The following NLRC3 variants were observed in gnomAD, a reference collection of about 807,000 sequenced individuals.
NLRC3 encodes NLR family CARD domain-containing protein 3.
In NLRC3, 87 loss-of-function variants were observed where a neutral mutation model predicts 91.6. The observed-to-expected ratio is 0.95, with a 90% CI of 0.80 to 1.14. NLRC3 has a LOEUF of 1.14. Ranked by LOEUF, NLRC3 falls within the 50% of genes most tolerant of loss-of-function variation. The pLI is 0.00. For missense variants in NLRC3, 1,577 were observed against 1,418.6 expected, an observed-to-expected ratio of 1.11 and a Z score of -1.79; for synonymous variants, 694 against 625.3, an observed-to-expected ratio of 1.11 and a Z score of -1.64.
At chr16:3,557,080 G>T (rs760883781) in intron 7 of NLRC3, 86 bp from the exon 8 acceptor site, 2 of 914,954 alleles carry the variant, frequency 2.2e-6, no homozygotes, top group African/African-American at 3.3e-5. Context: ...CTTGAAATTC[G>T]TGATCCTCTA....
At chr16:3,570,201 C>A (rs1181142437) in intron 1 of NLRC3, among the ~76,000 whole-genome samples, 1 of 151,978 alleles carries the variant, frequency 6.6e-6, no homozygotes, top group African/African-American at 2.4e-5. Context: ...CAACTCCTGA[C>A]CTCAAGTGAT....
chr16:3,576,208 G>A (rs191027064), intron 1 of NLRC3, among the ~76,000 whole-genome samples: 2 of 152,312 alleles, frequency 1.3e-5, no homozygotes, highest in Non-Finnish European at 2.9e-5. Context: ...CTGGAGCCTG[G>A]CCATAGGGGA....
Position 3,563,661 on chromosome 16 carries a change from C to G in NLRC3, c.1276G>C (p.Asp426His), listed in dbSNP as rs201150912. The G allele has an allele frequency of 3.7e-6, 6 of 1,613,772 alleles. No homozygotes were observed. Residue 426 changes from aspartate (D) to histidine (H), a missense_variant, in exon 5 of 20, where the codon GAC (aspartate) becomes CAC (histidine). By Grantham distance (81) the Asp-to-His change is moderately conservative. Coordinates refer to ENST00000359128, the MANE Select transcript of NLRC3 (RefSeq NM_178844.4). ...GGGGCGCCCTGCAGCAGAGCGAGGTCTACACCAAACGCCTTCATGTCTTGC... is the reference window on the plus strand; with the variant it reads ...GGGGCGCCCTGCAGCAGAGCGAGGTGTACACCAAACGCCTTCATGTCTTGC... ...YEQDMKAFGV[D>H]LALLQGAPCS...
At chr16:3,551,920 C>G (rs1487762060) in intron 10 of NLRC3, among the ~76,000 whole-genome samples, 1 of 149,924 alleles carries the variant, frequency 6.7e-6, no homozygotes, top group African/African-American at 2.5e-5. Flanking sequence ...CATCTATCCA[C>G]TCATTCATCC....
chr16:3,563,778 C>G lies in NLRC3; in HGVS notation c.1159G>C (p.Glu387Gln). ...QEKGKASPRI[E>Q]QVAHGGRKMV... ...TTGCGGCCACCATGGGCCACCTGCT[C>G]GATGCGAGGGCTTGCCTTGCCCTTC... is the stretch of plus-strand genomic sequence containing the variant. The change falls in exon 5 of 20, where the codon GAG becomes CAG. Residue 387 changes from glutamate (E) to glutamine (Q), a missense_variant. Transcript: ENST00000359128. 5 of 1,612,908 alleles carry G rather than the reference C, an allele frequency of 3.1e-6. No individual in the cohort carries two copies. The highest frequency in any genetic ancestry group is 4.2e-6 in the Non-Finnish European group (5 of 1,179,490).
At position 3,565,079 on chromosome 16, in the gene NLRC3, A is replaced by C; in HGVS notation, c.-24-19T>G. 1 of 1,580,370 alleles carries C rather than the reference A, an allele frequency of 6.3e-7. No individual in the cohort carries two copies. The highest frequency in any genetic ancestry group is 8.6e-7 in the Non-Finnish European group (1 of 1,161,176). ...CCAGGAGCTGTGAAGAGAGGGCCTG[A>C]ACCTGCTGCCTGCCGTGCCCCCCAT... On this transcript the variant is annotated intron_variant, in intron 3 of 19. Transcript: ENST00000359128.
intron 9 of NLRC3, among the ~76,000 whole-genome samples, chr16:3,552,590 G>C (rs2039073425): frequency 6.6e-6 from 1 of 152,108 alleles, no homozygotes; most frequent in African/African-American, 2.4e-5. Context: ...AGTCTCTCTG[G>C]TGCCTTACCT....
At position 3,549,170 on chromosome 16, in the gene NLRC3, A is replaced by G. The variant is rs1303840217; in HGVS notation, c.2575T>C (p.Cys859Arg). 6.3e-7 allele frequency: 1 copy of G among 1,586,086 alleles called. No individual in the cohort carries two copies. Among genetic ancestry groups the G allele is most frequent in the South Asian group, 1.2e-5 (1 of 86,646 alleles). ...EGAQAIAHALCANSTLKNLDL... is the reference protein window; with the variant it reads ...EGAQAIAHALRANSTLKNLDL... ...AGGTTCTTCAGGGTGCTGTTGGCGC[A>G]GAGGGCATGAGCGATGGCCTGGGCT... is the stretch of plus-strand genomic sequence containing the variant. Residue 859 changes from cysteine to arginine, a missense_variant, in exon 13 of 20, where the codon TGC (cysteine) becomes CGC (arginine). Transcript: ENST00000359128.
chr16:3,571,011 T>C (rs1037086407), intron 1 of NLRC3, among the ~76,000 whole-genome samples: 1 of 152,148 alleles, frequency 6.6e-6, no homozygotes, highest in Non-Finnish European at 1.5e-5. Context: ...GTAAAAAATG[T>C]GTGGGCTAGC....
chr16:3,544,430 A>G, intron 15 of NLRC3, 101 bp from the exon 16 acceptor site: 1 of 757,102 alleles, frequency 1.3e-6, no homozygotes, highest in Admixed American at 2.0e-5. Flanking sequence ...GACTACACAC[A>G]CCATAGACAC....
intron 10 of NLRC3, among the ~76,000 whole-genome samples, chr16:3,551,287 T>C (rs1376496027): frequency 6.8e-6 from 1 of 147,044 alleles, no homozygotes; most frequent in African/African-American, 2.5e-5. Context: ...CATCCATCTA[T>C]CCACTCACCC....
At chr16:3,575,080 T>C (rs974718112) in intron 1 of NLRC3, among the ~76,000 whole-genome samples, 1 of 152,358 alleles carries the variant, frequency 6.6e-6, no homozygotes, top group South Asian at 2.1e-4. Flanking sequence ...AATGGATTAT[T>C]TGAAATTCAC....
intron 1 of NLRC3, among the ~76,000 whole-genome samples, chr16:3,569,143 A>G (rs563963820): frequency 3.9e-5 from 6 of 151,904 alleles, no homozygotes; most frequent in African/African-American, 9.6e-5. Context: ...GCGGAACCCC[A>G]TCTCTACTAA....
In NLRC3 at chr16:3,563,121, AG is replaced by A; in HGVS notation, c.1815del (p.Tyr606ThrfsTer17). ...LTGPAHRAAL[A>X]YLLQVSDACA... The stretch of plus-strand genomic sequence containing the variant: ...CAGGCGTCGGACACCTGCAGGAGGT[AG>A]GCCAGGGCAGCGCGGTGCGCGGGAC... On this transcript the variant is annotated frameshift_variant, in exon 5 of 20. Coordinates refer to ENST00000359128, the MANE Select transcript of NLRC3 (RefSeq NM_178844.4). LOFTEE classifies it high-confidence loss of function. 1 of 1,580,512 alleles carries A rather than the reference AG, an allele frequency of 6.3e-7. No homozygotes were observed. Among genetic ancestry groups the A allele is most frequent in the Non-Finnish European group, 8.6e-7 (1 of 1,163,976 alleles).
At chr16:3,575,760 C>T (rs1407037431) in intron 1 of NLRC3, among the ~76,000 whole-genome samples, 1 of 152,210 alleles carries the variant, frequency 6.6e-6, no homozygotes, top group Non-Finnish European at 1.5e-5. Context: ...TGATCTGTGC[C>T]TCAGTCCTTG....
chr16:3,561,051 T>G (rs1006675397), intron 6 of NLRC3, among the ~76,000 whole-genome samples: 1 of 152,074 alleles, frequency 6.6e-6, no homozygotes, highest in East Asian at 1.9e-4. Context: ...AATTTAAAAT[T>G]TTAATTAAAA....
At chr16:3,552,499 C>G (rs531393266) in intron 9 of NLRC3, among the ~76,000 whole-genome samples, 1 of 152,250 alleles carries the variant, frequency 6.6e-6, no homozygotes, top group African/African-American at 2.4e-5. Context: ...AGCTGAGCCT[C>G]CCTTGCAAGG....
At chr16:3,551,567 C>T (rs1282050942) in intron 10 of NLRC3, among the ~76,000 whole-genome samples, 4 of 149,920 alleles carry the variant, frequency 2.7e-5, no homozygotes, top group African/African-American at 9.8e-5. Flanking sequence ...ATCCACCAAT[C>T]CACCCATCAA....
chr16:3,550,206 T>G (rs748332175), intron 11 of NLRC3, among the ~76,000 whole-genome samples: 12 of 152,188 alleles, frequency 7.9e-5, no homozygotes, highest in Non-Finnish European at 1.3e-4. Flanking sequence ...TTGGAGCTCA[T>G]CATTCCAAAC....
Sources: gnomAD v4.1 joint callset for allele counts (sites outside exome capture counted in the v4.1 genomes callset) on GRCh38, gnomAD v4.1.1 for gene constraint, MANE v1.5 for transcripts, NCBI Gene and HGNC (gene_info 2026-07-23, HGNC 2026-07-21) for gene names.